KANSL1: variants seen among roughly 807,000 people sequenced by gnomAD.
KANSL1 encodes the protein MLL1/MLL complex subunit KANSL1.
Under a neutral mutation model 103.6 loss-of-function variants are expected in KANSL1, and 22 were observed. That is an observed-to-expected ratio of 0.21 (90% CI 0.15 to 0.30). The LOEUF (loss-of-function observed/expected upper bound fraction) is 0.30, where lower values mean the gene tolerates loss of function less well. Ranked by LOEUF, KANSL1 falls within the 10% of genes least tolerant of loss-of-function variation. KANSL1 has a pLI of 1.00. For synonymous variants in KANSL1, 600 were observed against 527.6 expected, an observed-to-expected ratio of 1.14 and a Z score of -1.88; for missense variants, 1,337 against 1,399.8, an observed-to-expected ratio of 0.96 and a Z score of 0.72.
chr17:46,151,688 A>G (rs1161881127), intron 2 of KANSL1, among the ~76,000 whole-genome samples: 1 of 152,252 alleles, frequency 6.6e-6, no homozygotes, highest in Non-Finnish European at 1.5e-5. Flanking sequence ...TAAATTGATG[A>G]ATAACATTTG....
intron 13 of KANSL1, 165 bp from the exon 14 acceptor site, chr17:46,032,464 G>A (rs182052338): frequency 5.3e-6 from 3 of 569,708 alleles, no homozygotes; most frequent in Non-Finnish European, 9.0e-6. Flanking sequence ...CTCTGGAGGG[G>A]TAGGTATACA....
intron 2 of KANSL1, among the ~76,000 whole-genome samples, chr17:46,132,861 T>C (rs2043933799): frequency 7.1e-6 from 1 of 141,518 alleles, no homozygotes; most frequent in Non-Finnish European, 1.6e-5. Flanking sequence ...AAGGATCACT[T>C]GAGCCTGGGA....
rs2041978247 is a variant in KANSL1 at position 46,094,485 on chromosome 17, G to C, written c.1431+75C>G. The C allele has an allele frequency of 1.0e-5, 15 of 1,506,582 alleles. No individual in the cohort carries two copies. In the South Asian group the frequency reaches 1.5e-4, roughly 15 times the overall value. The allele number at this position is 1,506,582 out of a possible 1,614,324, so 93.3% of individuals were successfully genotyped here. The stretch of plus-strand genomic sequence containing the variant: ...AGAAGAGGGTTATGGGGGTTACGAG[G>C]TGGGAGGGGATGTGAGAAAAGCGAT... On this transcript the variant is annotated intron_variant, in intron 3 of 14. Coordinates refer to ENST00000432791, the MANE Select transcript of KANSL1 (RefSeq NM_015443.4).
chr17:46,062,091 C>CAAAAAAAAA (rs35638067), intron 6 of KANSL1, among the ~76,000 whole-genome samples: 4 of 70,068 alleles, frequency 5.7e-5, no homozygotes, highest in Admixed American at 1.7e-4. Flanking sequence ...GACTCCGACT[C>CAAAAAAAAA]AAAAAAAAAA....
At chr17:46,172,627 A>C (rs1489738033) in intron 1 of KANSL1, among the ~76,000 whole-genome samples, 1 of 152,214 alleles carries the variant, frequency 6.6e-6, no homozygotes, top group African/African-American at 2.4e-5. Context: ...AAACAGAAAA[A>C]AATTAGTAAG....
At chr17:46,032,570 T>C (rs1408892800) in intron 13 of KANSL1, 4 of 411,076 alleles carry the variant, frequency 9.7e-6, no homozygotes, top group Non-Finnish European at 1.7e-5. Flanking sequence ...GAGATTCGTG[T>C]AGACTTTGAA....
chr17:46,109,119 T>A (rs1390153731), intron 2 of KANSL1, among the ~76,000 whole-genome samples: 1 of 152,136 alleles, frequency 6.6e-6, no homozygotes, highest in East Asian at 1.9e-4. Flanking sequence ...CCAGCTAATT[T>A]TATTTTTTCA....
At chr17:46,105,947 A>ACACACCCCC (rs1396276906) in intron 2 of KANSL1, among the ~76,000 whole-genome samples, 1 of 57,780 alleles carries the variant, frequency 1.7e-5, no homozygotes, top group African/African-American at 6.6e-5. Flanking sequence ...ACACACACAC[A>ACACACCCCC]CCCCCCCAGA....
intron 7 of KANSL1, chr17:46,040,632 C>A (rs1214554716): frequency 6.6e-6 from 1 of 152,188 alleles, no homozygotes; most frequent in African/African-American, 2.4e-5. Context: ...AAGAGGGAAT[C>A]GGATTCTTTC....
chr17:46,161,975 C>T (rs2045766008), intron 2 of KANSL1, among the ~76,000 whole-genome samples: 1 of 152,210 alleles, frequency 6.6e-6, no homozygotes, highest in African/African-American at 2.4e-5. Context: ...ATTTTGTCTA[C>T]CATGGTACAA....
At chr17:46,068,732 T>C (rs1568412296) in intron 4 of KANSL1, among the ~76,000 whole-genome samples, 1 of 152,062 alleles carries the variant, frequency 6.6e-6, no homozygotes, top group African/African-American at 2.4e-5. Context: ...AAATAACAGA[T>C]GAGAAAGAAT....
intron 1 of KANSL1, among the ~76,000 whole-genome samples, chr17:46,178,985 C>CT (rs925372142): frequency 2.5e-4 from 38 of 152,320 alleles, no homozygotes; most frequent in African/African-American, 8.9e-4. Context: ...CAAAAATATA[C>CT]TTCTAGGATA....
At chr17:46,155,471 T>C (rs1041587965) in intron 2 of KANSL1, among the ~76,000 whole-genome samples, 3 of 152,192 alleles carry the variant, frequency 2.0e-5, no homozygotes, top group Non-Finnish European at 4.4e-5. Flanking sequence ...GGGATTATTT[T>C]GACCTTACCC....
At chr17:46,091,812 A>AGTATGTATGTATGTATGTATGTAT (rs149207902) in intron 3 of KANSL1, among the ~76,000 whole-genome samples, 1 of 151,506 alleles carries the variant, frequency 6.6e-6, no homozygotes, top group African/African-American at 2.4e-5. Context: ...TATATATGTA[A>AGTATGTATGTATGTATGTATGTAT]GTATGTATGT....
intron 1 of KANSL1, among the ~76,000 whole-genome samples, chr17:46,216,180 C>T (rs2668691): frequency 0.11 from 17,165 of 150,092 alleles, 1 homozygote; most frequent in Non-Finnish European, 0.17. Context: ...TGCAAATCAT[C>T]GGCATATAGA....
At chr17:46,073,120 CA>C (rs2078637114) in intron 4 of KANSL1, among the ~76,000 whole-genome samples, 1 of 152,182 alleles carries the variant, frequency 6.6e-6, no homozygotes, top group African/African-American at 2.4e-5. Flanking sequence ...CTAGAGACTG[CA>C]AAACTTCAAA....
In KANSL1 at chr17:46,133,275, G is replaced by C. The variant is rs73319167; in HGVS notation, c.1289+37580C>G. Among the ~76,000 whole-genome samples, 294 of 152,246 alleles carry C rather than the reference G, an allele frequency of 1.9e-3. 4 individuals carry two copies. Among genetic ancestry groups the C allele is most frequent in the African/African-American group, 6.9e-3 (288 of 41,524 alleles). ...GAGTGTTCTGAGGGAACGATACCAA[G>C]CACACGCCCAGACTTCCCCACCCAA... On this transcript the variant is annotated intron_variant, in intron 2 of 14. Transcript: ENST00000432791.
chr17:46,088,969 A>C (rs1182785293), intron 3 of KANSL1, among the ~76,000 whole-genome samples: 1 of 152,046 alleles, frequency 6.6e-6, no homozygotes, highest in Non-Finnish European at 1.5e-5. Flanking sequence ...TGAAATGATG[A>C]AAAGGACACA....
intron 2 of KANSL1, among the ~76,000 whole-genome samples, chr17:46,168,963 A>G (rs1424689005): frequency 6.6e-6 from 1 of 152,212 alleles, no homozygotes; most frequent in Non-Finnish European, 1.5e-5. Flanking sequence ...CTTTTATTTC[A>G]TTGGTTTGTA....
Sources: allele counts gnomAD v4.1 joint callset (sites outside exome capture counted in the v4.1 genomes callset), GRCh38; gene constraint gnomAD v4.1.1; transcripts MANE v1.5; gene names NCBI Gene and HGNC (gene_info 2026-07-23, HGNC 2026-07-21).